SLC25A26: variants seen among roughly 807,000 people sequenced by gnomAD.
The protein encoded by SLC25A26 is solute carrier family 25 member 26, also known as mitochondrial S-adenosylmethionine carrier protein.
A neutral mutation model predicts 37.8 loss-of-function variants in SLC25A26; 36 were observed. The ratio of observed to expected loss-of-function variants is 0.95; its 90% CI spans 0.73 to 1.26. The LOEUF (loss-of-function observed/expected upper bound fraction) is 1.26. Ranked by LOEUF, SLC25A26 falls within the 50% of genes most tolerant of loss-of-function variation. SLC25A26 has a pLI of 0.00. For missense variants in SLC25A26, 390 were observed against 331.1 expected, an observed-to-expected ratio of 1.18 and a Z score of -1.38; for synonymous variants, 129 against 122.5, an observed-to-expected ratio of 1.05 and a Z score of -0.35.
chr3:66,268,881 A>C (rs2073856917), intron 5 of SLC25A26, among the ~76,000 whole-genome samples: 1 of 152,180 alleles, frequency 6.6e-6, no homozygotes, highest in Non-Finnish European at 1.5e-5. Flanking sequence ...TCTGCCATGT[A>C]AGACGTGCCT....
At chr3:66,189,678 T>C (rs2070899265) in intron 1 of SLC25A26, among the ~76,000 whole-genome samples, 1 of 152,166 alleles carries the variant, frequency 6.6e-6, no homozygotes, top group Non-Finnish European at 1.5e-5. Flanking sequence ...CTCTTTTCTT[T>C]TCAGACAGGA....
intron 1 of SLC25A26, among the ~76,000 whole-genome samples, chr3:66,140,056 T>C (rs2070011381): frequency 6.6e-6 from 1 of 152,196 alleles, no homozygotes; most frequent in African/African-American, 2.4e-5. Flanking sequence ...AGATCAGAGC[T>C]TCAGGTATGG....
At chr3:66,164,563 C>T (rs1052692979) in intron 1 of SLC25A26, among the ~76,000 whole-genome samples, 1 of 151,992 alleles carries the variant, frequency 6.6e-6, no homozygotes, top group African/African-American at 2.4e-5. Context: ...CCATTAAGGG[C>T]AAGTTTAAAA....
intron 2 of SLC25A26, among the ~76,000 whole-genome samples, chr3:66,239,263 C>T (rs2072452099): frequency 7.1e-6 from 1 of 140,858 alleles, no homozygotes; most frequent in Admixed American, 7.1e-5. Context: ...TCATCCCCAA[C>T]CTTTTTTTTT....
chr3:66,159,485 A>T (rs2070327636), intron 1 of SLC25A26, among the ~76,000 whole-genome samples: 1 of 152,120 alleles, frequency 6.6e-6, no homozygotes, highest in Non-Finnish European at 1.5e-5. Flanking sequence ...TCCTCAGAGG[A>T]TGTTTTATGC....
rs1229142379 is a variant in SLC25A26 at position 66,370,441 on chromosome 3, G to A, written c.634-88G>A. The A allele has an allele frequency of 3.3e-5, 34 of 1,036,928 alleles. No homozygotes were observed. In the South Asian group the frequency reaches 4.0e-4, roughly 12 times the overall value. The allele number at this position is 1,036,928 out of a possible 1,614,324, so 64.2% of individuals were successfully genotyped here. On this transcript the variant is annotated intron_variant, in intron 8 of 9. Transcript: ENST00000354883. The stretch of plus-strand genomic sequence containing the variant: ...ACTGTGTTCTAGATGAGGGTGACGG[G>A]GAGCTGTGTGTCTGAGGATATCTGA...
chr3:66,344,058 A>T (rs1266498702), intron 5 of SLC25A26, among the ~76,000 whole-genome samples: 2 of 152,140 alleles, frequency 1.3e-5, no homozygotes, highest in African/African-American at 4.8e-5. Context: ...ATTGACATTG[A>T]TCTTTTCTTC....
Position 66,262,049 on chromosome 3 carries a change from A to G in SLC25A26, c.301-2A>G. The G allele has an allele frequency of 1.3e-6, 2 of 1,551,608 alleles. No homozygotes were observed. Among genetic ancestry groups the G allele is most frequent in the Admixed American group, 1.9e-5 (1 of 51,700 alleles). On this transcript the variant is annotated splice_acceptor_variant, in intron 3 of 9. Transcript: ENST00000354883. LOFTEE classifies it high-confidence loss of function. The stretch of plus-strand genomic sequence containing the variant: ...TAGGATATAATCAAATTTGTCTTTT[A>G]GGTTGCCTGCCTGATTCGAGTTCCA...
chr3:66,220,576 G>C (rs998678149), upstream of SLC25A26, among the ~76,000 whole-genome samples: 1 of 152,126 alleles, frequency 6.6e-6, no homozygotes, highest in Non-Finnish European at 1.5e-5. Context: ...ATAATCTTCT[G>C]ATAATGAGTT....
intron 5 of SLC25A26, among the ~76,000 whole-genome samples, chr3:66,286,777 A>G (rs1027643367): frequency 1.3e-5 from 2 of 152,004 alleles, no homozygotes; most frequent in Admixed American, 1.3e-4. Context: ...TTCTGGATTC[A>G]AATGCCACCT....
intron 1 of SLC25A26, among the ~76,000 whole-genome samples, chr3:66,185,407 A>G (rs1305743545): frequency 6.6e-6 from 1 of 152,196 alleles, no homozygotes; most frequent in Non-Finnish European, 1.5e-5. Flanking sequence ...TGCTTCTATA[A>G]ACATGAGCGT....
intron 5 of SLC25A26, among the ~76,000 whole-genome samples, chr3:66,335,568 C>G (rs907385913): frequency 2.0e-5 from 3 of 152,154 alleles, no homozygotes; most frequent in African/African-American, 4.8e-5. Context: ...CCCGGGTTCT[C>G]CCCTAACTCT....
At chr3:66,209,930 A>ATATATATATATATATATCTCTCTCTATT (rs2071261171) in intron 1 of SLC25A26, among the ~76,000 whole-genome samples, 1 of 65,900 alleles carries the variant, frequency 1.5e-5, no homozygotes, top group Non-Finnish European at 2.9e-5. Flanking sequence ...ATATATATAT[A>ATATATATATATATATATCTCTCTCTATT]TATATATATA....
intron 1 of SLC25A26, among the ~76,000 whole-genome samples, chr3:66,209,855 T>C (rs2071252722): frequency 1.7e-5 from 2 of 121,078 alleles, no homozygotes; most frequent in Non-Finnish European, 3.4e-5. Context: ...GAGAGGTGTG[T>C]ATACACACAC....
Position 66,311,241 on chromosome 3 carries a change from A to T in SLC25A26, c.454-35123A>T, listed in dbSNP as rs183185656. ...CGTCACACTTTATTTCATTAAGTTG[A>T]TCTTCAGTCTCTGATAGCCTTTCTT... On this transcript the variant is annotated intron_variant, in intron 5 of 9. Transcript: ENST00000354883. Among the ~76,000 whole-genome samples, 63 of 151,940 alleles carry T rather than the reference A, an allele frequency of 4.1e-4. No homozygotes were observed. The East Asian group carries it at 0.012, about 29-fold the overall frequency.
intron 5 of SLC25A26, among the ~76,000 whole-genome samples, chr3:66,311,431 A>G (rs1260367801): frequency 3.9e-5 from 6 of 152,076 alleles, no homozygotes; most frequent in African/African-American, 1.4e-4. Flanking sequence ...TCATTGGGTT[A>G]GAACATGCTC....
intron 5 of SLC25A26, among the ~76,000 whole-genome samples, chr3:66,306,647 T>C (rs2075231202): frequency 6.6e-6 from 1 of 152,150 alleles, no homozygotes; most frequent in Non-Finnish European, 1.5e-5. Flanking sequence ...CCTAATGCTA[T>C]CCATCCCCTT....
intron 5 of SLC25A26, among the ~76,000 whole-genome samples, chr3:66,315,116 A>G (rs976200453): frequency 2.7e-4 from 17 of 63,972 alleles, no homozygotes; most frequent in African/African-American, 8.5e-4. Context: ...TTTCATGTTT[A>G]TCTCCTTCAG....
chr3:66,332,348 A>T (rs534141379), intron 5 of SLC25A26, among the ~76,000 whole-genome samples: 2 of 152,314 alleles, frequency 1.3e-5, no homozygotes, highest in African/African-American at 2.4e-5. Context: ...TTAGCAGATA[A>T]TACTTTGCCG....
Sources: allele counts gnomAD v4.1 joint callset (sites outside exome capture counted in the v4.1 genomes callset), GRCh38; gene constraint gnomAD v4.1.1; transcripts MANE v1.5; gene names NCBI Gene and HGNC (gene_info 2026-07-23, HGNC 2026-07-21).